Variants in ODF2L observed in about 807,000 individuals in gnomAD.
ODF2L encodes protein BCAP.
In ODF2L, 76 loss-of-function variants were observed where a neutral mutation model predicts 86.3. The observed-to-expected ratio is 0.88, with a 90% CI of 0.73 to 1.07. The LOEUF (loss-of-function observed/expected upper bound fraction) is 1.07. ODF2L is among the 50% of genes least tolerant of loss of function. ODF2L has a pLI of 0.00. For synonymous variants in ODF2L, 241 were observed against 231.3 expected, an observed-to-expected ratio of 1.04 and a Z score of -0.38; for missense variants, 748 against 717.4, an observed-to-expected ratio of 1.04 and a Z score of -0.49.
At chr1:86,353,545 G>A (rs2100726925) in intron 16 of ODF2L, among the ~76,000 whole-genome samples, 1 of 152,198 alleles carries the variant, frequency 6.6e-6, no homozygotes, top group South Asian at 2.1e-4. Context: ...GTTCATCTAA[G>A]GAATCAGATA....
intron 11 of ODF2L, among the ~76,000 whole-genome samples, chr1:86,365,212 A>T (rs970907821): frequency 6.6e-6 from 1 of 152,220 alleles, no homozygotes; most frequent in Non-Finnish European, 1.5e-5. Context: ...TCTTTACGAT[A>T]GTATTGACAT....
At chr1:86,389,741 A>G (rs1661187137) in intron 1 of ODF2L, among the ~76,000 whole-genome samples, 1 of 152,126 alleles carries the variant, frequency 6.6e-6, no homozygotes, top group East Asian at 1.9e-4. Context: ...ACAAAAGATC[A>G]CTCAGGCTAC....
rs753645964 is a variant in ODF2L at position 86,372,413 on chromosome 1, T to C, written c.920+18A>G. ...AAAACTCTTACTAAATAATAAAATA[T>C]TCTAAATTTTTTCTTACTTTTTCAT... On this transcript the variant is annotated intron_variant, in intron 9 of 17. Transcript: ENST00000317336. 2 of 1,160,858 alleles carry C rather than the reference T, an allele frequency of 1.7e-6. No homozygotes were observed. Among genetic ancestry groups the C allele is most frequent in the Non-Finnish European group, 2.3e-6 (2 of 854,540 alleles). The allele number at this position is 1,160,858 out of a possible 1,614,324, so 71.9% of individuals were successfully genotyped here.
chr1:86,381,766 G>C (rs913638687), intron 7 of ODF2L, among the ~76,000 whole-genome samples: 1 of 151,962 alleles, frequency 6.6e-6, no homozygotes, highest in African/African-American at 2.4e-5. Flanking sequence ...ACTTAATTTT[G>C]TGAACATCAA....
intron 7 of ODF2L, among the ~76,000 whole-genome samples, chr1:86,381,355 C>G (rs1232323462): frequency 2.0e-5 from 3 of 151,974 alleles, no homozygotes; most frequent in African/African-American, 4.8e-5. Context: ...ACTGCAATAC[C>G]AAGTCCAGTT....
At chr1:86,366,477 A>G (rs1004222902) in intron 11 of ODF2L, among the ~76,000 whole-genome samples, 2 of 149,440 alleles carry the variant, frequency 1.3e-5, no homozygotes, top group Non-Finnish European at 3.0e-5. Context: ...CAAATTAGCT[A>G]TGGGCTGTGG....
chr1:86,349,022 T>C (rs1020035188), downstream of ODF2L: 2 of 720,558 alleles, frequency 2.8e-6, no homozygotes, highest in Admixed American at 4.6e-5. Context: ...GATGTGTTCA[T>C]TCTTAGAGCT....
intron 14 of ODF2L, chr1:86,356,148 C>CAT (rs1658545719): frequency 4.3e-6 from 1 of 232,142 alleles, no homozygotes; most frequent in Middle Eastern, 4.5e-4. Flanking sequence ...CATCAAGGAA[C>CAT]ATATATGTAA....
At chr1:86,382,502 C>T in intron 6 of ODF2L, 144 bp from the exon 7 acceptor site, 1 of 1,363,302 alleles carries the variant, frequency 7.3e-7, no homozygotes, top group South Asian at 1.5e-5. Flanking sequence ...ACTGCCGCCC[C>T]TATTACAAAT....
intron 13 of ODF2L, among the ~76,000 whole-genome samples, chr1:86,357,107 C>T (rs993966834): frequency 6.6e-6 from 1 of 152,194 alleles, no homozygotes; most frequent in Admixed American, 6.5e-5. Context: ...TCAGTTCTCA[C>T]TTGCCTTTAA....
chr1:86,372,529 C>A, exon 9 of ODF2L: 2 of 1,504,712 alleles, frequency 1.3e-6, no homozygotes. Context: ...TTGTTTCAGA[C>A]AACTTGGCTT....
chr1:86,366,429 C>CACACACACACAT (rs1156767516), intron 11 of ODF2L, among the ~76,000 whole-genome samples: 3 of 139,832 alleles, frequency 2.1e-5, no homozygotes, highest in African/African-American at 8.7e-5. Context: ...CACACACACA[C>CACACACACACAT]ACACATACAC....
At chr1:86,367,943 T>C (rs1659557207) in intron 11 of ODF2L, among the ~76,000 whole-genome samples, 1 of 152,230 alleles carries the variant, frequency 6.6e-6, no homozygotes, top group Admixed American at 6.5e-5. Context: ...AGGGGAATGA[T>C]GTATAACAAA....
chr1:86,385,401 T>C (rs1660874552), intron 3 of ODF2L, 57 bp downstream of exon 3: 3 of 1,063,996 alleles, frequency 2.8e-6, no homozygotes, highest in Admixed American at 2.2e-5. Flanking sequence ...CCTCAGTTAA[T>C]GCATTCTGAG....
exon 18 of ODF2L, chr1:86,352,080 A>G: frequency 7.2e-7 from 1 of 1,386,128 alleles, no homozygotes; most frequent in Non-Finnish European, 9.4e-7. Flanking sequence ...CTAAGTTGTC[A>G]TGAAACTTTT....
At chr1:86,358,087 T>G in intron 13 of ODF2L, 1 of 985,512 alleles carries the variant, frequency 1.0e-6, no homozygotes, top group South Asian at 4.7e-5. Flanking sequence ...CATTATTGCC[T>G]TGCTCTGACT....
intron 1 of ODF2L, among the ~76,000 whole-genome samples, chr1:86,395,345 A>T (rs1476747235): frequency 2.0e-5 from 3 of 152,114 alleles, no homozygotes; most frequent in African/African-American, 7.2e-5. Context: ...ATTCGGTGCC[A>T]CCTTAATGGC....
chr1:86,361,792 ATGAT>A (rs1398451321), intron 11 of ODF2L, among the ~76,000 whole-genome samples: 10 of 152,190 alleles, frequency 6.6e-5, no homozygotes, highest in Non-Finnish European at 1.3e-4. Flanking sequence ...AGAAATGTGA[ATGAT>A]TGATGAATAC....
At chr1:86,380,607 G>C (rs1022908243) in intron 7 of ODF2L, among the ~76,000 whole-genome samples, 1 of 152,058 alleles carries the variant, frequency 6.6e-6, no homozygotes, top group Non-Finnish European at 1.5e-5. Context: ...CTATCAAGGA[G>C]TATACTGAAA....
Sources: gnomAD v4.1 joint callset for allele counts (sites outside exome capture counted in the v4.1 genomes callset) on GRCh38, gnomAD v4.1.1 for gene constraint, MANE v1.5 for transcripts, NCBI Gene and HGNC (gene_info 2026-07-23, HGNC 2026-07-21) for gene names.